Variants in LRIG1 observed in about 807,000 individuals in gnomAD.
LRIG1 encodes the protein leucine rich repeats and immunoglobulin like domains 1, also known as leucine-rich repeats and immunoglobulin-like domains protein 1.
Under a neutral mutation model 99.2 loss-of-function variants are expected in LRIG1, and 48 were observed. That is an observed-to-expected ratio of 0.48 (90% CI 0.38 to 0.62). The LOEUF (loss-of-function observed/expected upper bound fraction) is 0.62. Ranked by LOEUF, LRIG1 falls within the 20% of genes least tolerant of loss-of-function variation. The pLI, the probability that LRIG1 is intolerant of heterozygous loss-of-function variation, is 0.00. For missense variants in LRIG1, 1,646 were observed against 1,434.4 expected (o/e 1.15, Z -2.38); for synonymous variants, 772 against 596.1 (o/e 1.29, Z -4.30).
chr3:66,414,577 TA>T (rs1323537909), intron 5 of LRIG1, among the ~76,000 whole-genome samples: 2 of 151,952 alleles, frequency 1.3e-5, no homozygotes, highest in Non-Finnish European at 2.9e-5. Flanking sequence ...ACGGGTATCT[TA>T]AAAAAATACA....
rs143793663 is a variant in LRIG1, at chr3:66,410,062, G to GCCTA, written c.935+63_935+66dup. 2,089 of 1,519,818 alleles carry GCCTA rather than the reference G, an allele frequency of 1.4e-3. 18 individuals carry two copies. In the African/African-American group the frequency reaches 0.022, roughly 16 times the overall value. 94.1% of individuals were successfully genotyped at this position (1,519,818 alleles called of 1,614,324 possible). On this transcript the variant is annotated intron_variant, in intron 7 of 18. Coordinates refer to ENST00000273261, the MANE Select transcript of LRIG1 (RefSeq NM_015541.3). ...GCCACTGTGTGGTGGAACGAACCAG[G>GCCTA]CCTAGCACTTTCACCTCCAAGCAGT...
At chr3:66,403,419 C>T (rs1575663528) in intron 9 of LRIG1, among the ~76,000 whole-genome samples, 1 of 152,102 alleles carries the variant, frequency 6.6e-6, no homozygotes, top group East Asian at 1.9e-4. Flanking sequence ...CACAGAGTCT[C>T]CAGCCCCAAG....
chr3:66,382,199 G>T (rs1054411586), intron 16 of LRIG1, 74 bp downstream of exon 16: 1 of 1,579,458 alleles, frequency 6.3e-7, no homozygotes, highest in South Asian at 1.1e-5. Flanking sequence ...GCCCTGTAAA[G>T]ACCTGGAGGC....
Position 66,445,442 on chromosome 3 carries a change from C to G in LRIG1, c.365+6117G>C, listed in dbSNP as rs150567290. 3.5e-4 allele frequency among the ~76,000 whole-genome samples: 53 copies of G among 152,186 alleles called. No homozygotes were observed. In the East Asian group the frequency reaches 0.01, roughly 29 times the overall value. ...ACCCTTGATTAGGTCCACTCTTAAT[C>G]TGGTGACTGGTGGAGGGACCAGCAG... On this transcript the variant is annotated intron_variant, in intron 3 of 18. Coordinates refer to ENST00000273261, the MANE Select transcript of LRIG1 (RefSeq NM_015541.3).
At chr3:66,399,610 A>C (rs1701983080) in intron 9 of LRIG1, among the ~76,000 whole-genome samples, 1 of 152,126 alleles carries the variant, frequency 6.6e-6, no homozygotes, top group Non-Finnish European at 1.5e-5. Flanking sequence ...CTCTACAAAA[A>C]CTAAAAAATT....
chr3:66,394,252 G>GA (rs768659576), intron 11 of LRIG1, 49 bp from the exon 12 acceptor site: 1 of 1,487,820 alleles, frequency 6.7e-7, no homozygotes, highest in Non-Finnish European at 9.0e-7. Flanking sequence ...GCAAAGGAGG[G>GA]ACACTCCCTT....
chr3:66,421,850 C>T (rs1702824729), intron 3 of LRIG1, among the ~76,000 whole-genome samples: 3 of 152,266 alleles, frequency 2.0e-5, no homozygotes. Flanking sequence ...CAAACTTCTA[C>T]CTGGGCATCC....
Position 66,449,253 on chromosome 3 carries a change from AG to A in LRIG1, c.365+2305del, listed in dbSNP as rs567665005. On this transcript the variant is annotated intron_variant, in intron 3 of 18. Transcript: ENST00000273261. ...AACCTAACTTGCCAGCACTGAATCC[AG>A]GCATCCAATCTAAGAATGGGGAACA... is the stretch of plus-strand genomic sequence containing the variant. Among the ~76,000 whole-genome samples, 866 of 152,312 alleles carry A rather than the reference AG, an allele frequency of 5.7e-3. 7 individuals are homozygous for A. Among genetic ancestry groups the A allele is most frequent in the Non-Finnish European group, 9.6e-3 (656 of 68,024 alleles).
chr3:66,450,850 T>A (rs764880582), intron 3 of LRIG1, among the ~76,000 whole-genome samples: 1 of 152,216 alleles, frequency 6.6e-6, no homozygotes, highest in Non-Finnish European at 1.5e-5. Flanking sequence ...GTTGGACTCA[T>A]GGCTGGTTTA....
intron 12 of LRIG1, chr3:66,387,841 T>C (rs1338246927): frequency 6.6e-6 from 1 of 151,154 alleles, no homozygotes. Context: ...CTCACGCCTA[T>C]AATCCCAGCA....
At chr3:66,409,066 C>T (rs763198285) in intron 7 of LRIG1, among the ~76,000 whole-genome samples, 9 of 151,834 alleles carry the variant, frequency 5.9e-5, no homozygotes, top group East Asian at 3.9e-4. Context: ...ATTAGATTCA[C>T]GCATCCCCTT....
At chr3:66,437,020 C>T (rs1278491676) in intron 3 of LRIG1, among the ~76,000 whole-genome samples, 1 of 152,206 alleles carries the variant, frequency 6.6e-6, no homozygotes, top group East Asian at 1.9e-4. Context: ...TCTTTTCCCC[C>T]TCAATGCCAT....
chr3:66,486,903 A>G (rs1700987218), intron 1 of LRIG1, among the ~76,000 whole-genome samples: 1 of 152,250 alleles, frequency 6.6e-6, no homozygotes, highest in Non-Finnish European at 1.5e-5. Flanking sequence ...GATTCATCTC[A>G]CAGAACAAGT....
In LRIG1 at chr3:66,382,964, C is replaced by A. The variant is rs1701169668; in HGVS notation, c.2491+18G>T. On this transcript the variant is annotated intron_variant, in intron 15 of 18. Coordinates refer to ENST00000273261, the MANE Select transcript of LRIG1 (RefSeq NM_015541.3). ...ATTCCTCCCTCCTTGAAAGTCAGCTCCGCTGGCAGGGCCTGACCTGTGTTG... is the reference window on the plus strand; with the variant it reads ...ATTCCTCCCTCCTTGAAAGTCAGCTACGCTGGCAGGGCCTGACCTGTGTTG... 1 of 1,578,522 alleles carries A rather than the reference C, an allele frequency of 6.3e-7. No homozygotes were observed.
At chr3:66,436,893 C>T (rs1703379534) in intron 3 of LRIG1, among the ~76,000 whole-genome samples, 1 of 152,188 alleles carries the variant, frequency 6.6e-6, no homozygotes, top group African/African-American at 2.4e-5. Context: ...AAGATCTCTG[C>T]TTGTCCTTGG....
At chr3:66,484,988 T>C (rs1457743322) in intron 1 of LRIG1, among the ~76,000 whole-genome samples, 3 of 151,960 alleles carry the variant, frequency 2.0e-5, no homozygotes, top group African/African-American at 7.3e-5. Flanking sequence ...ACCCTGTCTC[T>C]ACCCCCAAAA....
chr3:66,417,503 C>T (rs1702650404), intron 3 of LRIG1: 1 of 500,194 alleles, frequency 2.0e-6, no homozygotes, highest in Non-Finnish European at 3.6e-6. Context: ...GCTTCCCTCT[C>T]CAAGGGCAAC....
chr3:66,450,128 C>T (rs550127634), intron 3 of LRIG1, among the ~76,000 whole-genome samples: 2 of 152,254 alleles, frequency 1.3e-5, no homozygotes, highest in African/African-American at 2.4e-5. Flanking sequence ...GCTGGGCCCA[C>T]AAACCAAGTG....
At chr3:66,397,820 T>C (rs1052993645) in intron 11 of LRIG1, among the ~76,000 whole-genome samples, 7 of 152,238 alleles carry the variant, frequency 4.6e-5, no homozygotes, top group African/African-American at 1.7e-4. Context: ...AGAGTATATT[T>C]CACATTGCCT....
Sources: allele counts gnomAD v4.1 joint callset (sites outside exome capture counted in the v4.1 genomes callset), GRCh38; gene constraint gnomAD v4.1.1; transcripts MANE v1.5; gene names NCBI Gene and HGNC (gene_info 2026-07-23, HGNC 2026-07-21).